The following RICTOR variants were observed in gnomAD, a reference collection of about 807,000 sequenced individuals.
RICTOR encodes RPTOR independent companion of MTOR complex 2.
In RICTOR, 49 loss-of-function variants were observed where a neutral mutation model predicts 214.9. That is an observed-to-expected ratio of 0.23 (90% CI 0.18 to 0.29). RICTOR has a LOEUF of 0.29. Ranked by LOEUF, RICTOR falls within the 10% of genes least tolerant of loss-of-function variation. RICTOR has a pLI of 1.00. For synonymous variants in RICTOR, 717 were observed against 711.3 expected (o/e 1.01, Z -0.13); for missense variants, 1,625 against 2,047.0 (o/e 0.79, Z 3.98).
chr5:38,985,632 C>T (rs1325600985), intron 7 of RICTOR, among the ~76,000 whole-genome samples: 3 of 152,148 alleles, frequency 2.0e-5, no homozygotes, highest in Non-Finnish European at 4.4e-5. Flanking sequence ...AAATATTCAT[C>T]CATGTTCCCC....
intron 32 of RICTOR, 142 bp downstream of exon 32, chr5:38,947,122 G>C: frequency 1.6e-6 from 1 of 612,382 alleles, no homozygotes; most frequent in East Asian, 2.7e-5. Context: ...TAATCTTAAA[G>C]TTTCTTTAAA....
chr5:38,953,684 T>C (rs1748992567), intron 27 of RICTOR, 131 bp from the exon 28 acceptor site: 1 of 343,552 alleles, frequency 2.9e-6, no homozygotes, highest in African/African-American at 2.2e-5. Context: ...AATAATTTTA[T>C]GTAAAATTTC....
In RICTOR at chr5:39,003,548, C is replaced by A. The variant is rs1364866525; in HGVS notation, c.260+10G>T. The A allele has an allele frequency of 1.3e-6, 2 of 1,579,560 alleles. No individual in the cohort carries two copies. The highest frequency in any genetic ancestry group is 1.7e-6 in the Non-Finnish European group (2 of 1,150,956). On this transcript the variant is annotated intron_variant, in intron 4 of 37. Transcript: ENST00000357387. Reference sequence around the variant, plus strand: ...GAAAGGGATGGGAGGGGGGAATGAACCACACTTACCAAATTATGATATCCT... The same window carrying A: ...GAAAGGGATGGGAGGGGGGAATGAAACACACTTACCAAATTATGATATCCT...
At chr5:38,977,326 T>C (rs1175452695) in intron 9 of RICTOR, among the ~76,000 whole-genome samples, 1 of 152,180 alleles carries the variant, frequency 6.6e-6, no homozygotes, top group Non-Finnish European at 1.5e-5. Flanking sequence ...TCTAATAAAC[T>C]GGTATTGTTT....
chr5:39,015,176 A>C (rs1224854622), intron 3 of RICTOR, among the ~76,000 whole-genome samples: 4 of 152,162 alleles, frequency 2.6e-5, no homozygotes, highest in African/African-American at 7.2e-5. Flanking sequence ...AGAGGGTAGC[A>C]AACAAACTCC....
At chr5:38,990,734 A>ATC (rs1195406611) in intron 7 of RICTOR, among the ~76,000 whole-genome samples, 1 of 5,110 alleles carries the variant, frequency 2.0e-4, no homozygotes, top group Non-Finnish European at 7.3e-4. Flanking sequence ...TATCATATAT[A>ATC]TGATATATAT....
chr5:39,018,987 G>C (rs1755181091), intron 3 of RICTOR, among the ~76,000 whole-genome samples: 1 of 152,190 alleles, frequency 6.6e-6, no homozygotes, highest in Admixed American at 6.5e-5. Flanking sequence ...CAGCCTTACT[G>C]CTGATAGAAA....
intron 4 of RICTOR, 36 bp from the exon 5 acceptor site, chr5:39,002,702 A>G (rs777216729): frequency 2.5e-6 from 4 of 1,572,478 alleles, no homozygotes; most frequent in African/African-American, 1.4e-5. Flanking sequence ...GTTTTGCTGC[A>G]CAGGTTTCAA....
intron 3 of RICTOR, among the ~76,000 whole-genome samples, chr5:39,013,761 G>A (rs1349156790): frequency 6.6e-6 from 1 of 152,018 alleles, no homozygotes; most frequent in Non-Finnish European, 1.5e-5. Context: ...GAAAAGGAAA[G>A]CATGCTATGA....
rs1202821192 is a variant in RICTOR at position 38,947,252 on chromosome 5, G to A, written c.4314+12C>T. ...CCAACTCATAGGAAAACAATAAAAT[G>A]TATGATAATACCTGGAATATATCAT... On this transcript the variant is annotated intron_variant, in intron 32 of 37. Transcript: ENST00000357387. The A allele has an allele frequency of 3.2e-6, 5 of 1,577,940 alleles. No homozygotes were observed. The highest frequency in any genetic ancestry group is 2.2e-5 in the East Asian group (1 of 44,570).
At chr5:38,956,079 C>T (rs1025353389) in intron 25 of RICTOR, among the ~76,000 whole-genome samples, 1 of 151,930 alleles carries the variant, frequency 6.6e-6, no homozygotes, top group Non-Finnish European at 1.5e-5. Flanking sequence ...CCAAGTTGGA[C>T]CTCTTATTTA....
chr5:38,982,205 A>ATACT (rs1751767955), intron 7 of RICTOR, among the ~76,000 whole-genome samples, 169 bp from the exon 8 acceptor site: 2 of 152,178 alleles, frequency 1.3e-5, no homozygotes, highest in Non-Finnish European at 2.9e-5. Flanking sequence ...GTCACTGAAT[A>ATACT]TACTTCCCCA....
intron 3 of RICTOR, among the ~76,000 whole-genome samples, chr5:39,004,776 CTTTTTTTTTTTTT>C (rs70982534): frequency 9.5e-6 from 1 of 105,816 alleles, no homozygotes; most frequent in African/African-American, 3.3e-5. Context: ...CTCTCAGACT[CTTTTTTTTTTTTT>C]TTTTTTTTTG....
chr5:39,019,152 T>G (rs184493585), intron 3 of RICTOR, among the ~76,000 whole-genome samples: 1 of 152,188 alleles, frequency 6.6e-6, no homozygotes, highest in East Asian at 1.9e-4. Flanking sequence ...TTCACGAGGT[T>G]AAAGGAAAGA....
chr5:39,033,858 T>C (rs959416186), intron 2 of RICTOR, among the ~76,000 whole-genome samples: 4 of 152,200 alleles, frequency 2.6e-5, no homozygotes, highest in African/African-American at 9.7e-5. Context: ...CAAATAACTA[T>C]ATGTTTTTAA....
At chr5:39,009,526 T>C (rs1754329201) in intron 3 of RICTOR, among the ~76,000 whole-genome samples, 2 of 151,860 alleles carry the variant, frequency 1.3e-5, no homozygotes, top group South Asian at 2.1e-4. Context: ...AGAACAATTA[T>C]GGCAGAAACA....
chr5:39,035,891 T>G (rs944143837), intron 2 of RICTOR, among the ~76,000 whole-genome samples: 5 of 152,198 alleles, frequency 3.3e-5, no homozygotes, highest in Non-Finnish European at 7.3e-5. Context: ...GAAAACACTC[T>G]GCAGGATATT....
chr5:38,994,059 G>A lies in RICTOR; in HGVS notation c.456+2760C>T, dbSNP rs543756379. Among the ~76,000 whole-genome samples the A allele has an allele frequency of 4.2e-3, 636 of 151,996 alleles. 5 individuals carry two copies. The highest frequency in any genetic ancestry group is 0.014 in the African/African-American group (571 of 41,490). On this transcript the variant is annotated intron_variant, in intron 6 of 37. Coordinates refer to ENST00000357387, the MANE Select transcript of RICTOR (RefSeq NM_152756.5). ...TAAAAAATTAGCAGGGCGTGGTGGC[G>A]GGTGCCTGTAGTCCCAGCTACTGGG...
At position 38,963,023 on chromosome 5, in the gene RICTOR, C is replaced by G; in HGVS notation, c.1419G>C (p.Leu473Phe). The change falls in exon 17 of 38, where the codon TTG (leucine) becomes TTC (phenylalanine). Residue 473 changes from leucine to phenylalanine, a missense_variant. Physicochemically the swap from Leu to Phe is conservative, Grantham distance 22 (BLOSUM62 0). Around this residue, in one of 5 missense-constraint regions of RICTOR, gnomAD observed 1,214 missense variants for 1,470.5 expected, o/e 0.83. Coordinates refer to ENST00000357387, the MANE Select transcript of RICTOR (RefSeq NM_152756.5). The part of the protein sequence containing the change: ...KEKRLRASAA[L>F]NCLKRFHEMK... The stretch of plus-strand genomic sequence containing the variant: ...TTTCATGGAAGCGTTTTAAACAGTT[C>G]AAGGCTGCACTGGCTCGCCTAATGA... 1 of 1,610,898 alleles carries G rather than the reference C, an allele frequency of 6.2e-7. No individual in the cohort carries two copies. Among genetic ancestry groups the G allele is most frequent in the Non-Finnish European group, 8.5e-7 (1 of 1,178,188 alleles).
Sources: gnomAD v4.1 joint callset for allele counts (sites outside exome capture counted in the v4.1 genomes callset) on GRCh38, gnomAD v4.1.1 for gene constraint, gnomAD v4.1.1 regional missense constraint, MANE v1.5 for transcripts, NCBI Gene and HGNC (gene_info 2026-07-23, HGNC 2026-07-21) for gene names.